The following EHD4 variants were observed in gnomAD, a reference collection of about 807,000 sequenced individuals.
EHD4 encodes the protein EH domain containing 4, also known as EH domain-containing protein 4.
Under a neutral mutation model 51.0 loss-of-function variants are expected in EHD4, and 37 were observed. The observed-to-expected ratio is 0.73, with a 90% CI of 0.56 to 0.95. EHD4 has a LOEUF of 0.95. Ranked by LOEUF, EHD4 falls within the 40% of genes least tolerant of loss-of-function variation. EHD4 has a pLI of 0.00. For synonymous variants in EHD4, 297 were observed against 317.3 expected, an observed-to-expected ratio of 0.94 and a Z score of 0.68; for missense variants, 632 against 733.1, an observed-to-expected ratio of 0.86 and a Z score of 1.59.
rs946848835 is a variant in EHD4, at chr15:41,953,686, C to T, written c.413+78G>A. On this transcript the variant is annotated intron_variant, in intron 2 of 5. Transcript: ENST00000220325. ...GATTCTTTGTTCTTCTGTTTTTGAA[C>T]CTTTATATGTAACTGGCAGTAATTC... 3.5e-6 allele frequency: 5 copies of T among 1,448,476 alleles called. No individual in the cohort carries two copies. In the African/African-American group the frequency reaches 7.2e-5, roughly 21 times the overall value. The allele number at this position is 1,448,476 out of a possible 1,614,324, so 89.7% of individuals were successfully genotyped here.
Position 41,900,979 on chromosome 15 carries a change from T to A in EHD4, c.1292A>T (p.Glu431Val), listed in dbSNP as rs780105107. The change falls in exon 6 of 6, where the codon GAG becomes GTG. Residue 431 changes from glutamate (E) to valine (V), a missense_variant. Physicochemically the swap from Glu to Val is moderately radical, Grantham distance 121. Coordinates refer to ENST00000220325, the MANE Select transcript of EHD4 (RefSeq NM_139265.4). This position sits in a 1 kb window ranked among gnomAD's most constrained non-coding sequence, Gnocchi z 4.8. ...CTCGTCGGCGCCCTCCTTGGCACCCTCCCCGTAGCCCTGGTTGAAGGGGCC... is the reference window on the plus strand; with the variant it reads ...CTCGTCGGCGCCCTCCTTGGCACCCACCCCGTAGCCCTGGTTGAAGGGGCC... Reference protein sequence around the residue: ...TEGPFNQGYGEGAKEGADEEE... With the variant: ...TEGPFNQGYGVGAKEGADEEE... The A allele has an allele frequency of 2.5e-6, 4 of 1,610,684 alleles. No homozygotes were observed. The Admixed American group carries it at 6.7e-5, about 27-fold the overall frequency.
At chr15:41,910,630 C>T (rs1208284116) in intron 4 of EHD4, among the ~76,000 whole-genome samples, 1 of 152,174 alleles carries the variant, frequency 6.6e-6, no homozygotes, top group East Asian at 1.9e-4. Flanking sequence ...AGTGGAACAG[C>T]GTGATCTTGG....
chr15:41,896,304 C>G lies in EHD4; in HGVS notation c.*4341G>C, dbSNP rs2067438214. On this transcript the variant is annotated 3_prime_UTR_variant, in exon 6 of 6. Coordinates refer to ENST00000220325, the MANE Select transcript of EHD4 (RefSeq NM_139265.4). ...CAGGCTGACCTCCCTCCCCTGACCC[C>G]AGCAGCTCTGGACACCCCTCTCAGT... 6.6e-6 allele frequency: 1 copy of G among 152,292 alleles called. No homozygotes were observed. Among genetic ancestry groups the G allele is most frequent in the African/African-American group, 2.4e-5 (1 of 41,456 alleles). The allele number at this position is 152,292 out of a possible 1,614,324, so 9.4% of individuals were successfully genotyped here.
intron 3 of EHD4, among the ~76,000 whole-genome samples, chr15:41,928,122 C>A (rs1405347017): frequency 6.6e-6 from 1 of 152,172 alleles, no homozygotes. Flanking sequence ...TGCATTGTTT[C>A]CTGGCTGAGT....
intron 5 of EHD4, 41 bp downstream of exon 5, chr15:41,909,658 C>T (rs777805124): frequency 5.5e-5 from 88 of 1,610,684 alleles, no homozygotes; most frequent in Non-Finnish European, 7.0e-5. Flanking sequence ...GGCACTGCAC[C>T]TCTGCCCTCT....
At chr15:41,904,190 T>C (rs374710725) in intron 5 of EHD4, among the ~76,000 whole-genome samples, 3 of 152,166 alleles carry the variant, frequency 2.0e-5, no homozygotes, top group Admixed American at 2.0e-4. Context: ...AGGAGGGTGA[T>C]GCCTGCCCAA....
At chr15:41,917,096 CTTATTTATTTATTTATTTATTTATTTAT>C (rs56087855) in intron 4 of EHD4, among the ~76,000 whole-genome samples, 4 of 141,788 alleles carry the variant, frequency 2.8e-5, no homozygotes, top group Non-Finnish European at 4.6e-5. Flanking sequence ...CTTTCTGCTC[CTTATTTATTTATTTATTTATTTATTTAT>C]TTATTTATTT....
rs1017644098 is a variant in EHD4, at chr15:41,972,419, C to A, written c.76G>T (p.Gly26Cys). Residue 26 changes from glycine (G) to cysteine (C), a missense_variant, in exon 1 of 6, where the codon GGC becomes TGC. Transcript: ENST00000220325. The stretch of plus-strand genomic sequence containing the variant: ...CGCAGGTAGAGCGAGCGCAGCCCGC[C>A]CGTCACCGTCTGCACCGCGTCCGCG... ...GGADAVQTVT[G>C]GLRSLYLRKV... is the part of the protein sequence containing the mutation. 1.6e-4 allele frequency: 258 copies of A among 1,607,836 alleles called. No individual in the cohort carries two copies. Among genetic ancestry groups the A allele is most frequent in the Non-Finnish European group, 2.2e-4 (255 of 1,177,938 alleles).
chr15:41,901,573 C>T (rs2054865484), intron 5 of EHD4, among the ~76,000 whole-genome samples: 1 of 152,216 alleles, frequency 6.6e-6, no homozygotes, highest in Admixed American at 6.5e-5. Context: ...TTTAGAACCA[C>T]ATTTTACAGA....
rs2067465767 is a variant in EHD4 at position 41,900,105 on chromosome 15, C to G, written c.*540G>C. On this transcript the variant is annotated 3_prime_UTR_variant, in exon 6 of 6. Transcript: ENST00000220325. The surrounding 1 kb of genome is among the most constrained non-coding windows in gnomAD (Gnocchi z 4.8). ...AAACCCAGGAGGCATCTGTCGCCTT[C>G]TCTTTGGTAGACAGTCTGGAGACAG... The G allele has an allele frequency of 6.5e-6, 1 of 153,162 alleles. No homozygotes were observed. The highest frequency in any genetic ancestry group is 1.5e-5 in the Non-Finnish European group (1 of 68,454). The allele number at this position is 153,162 out of a possible 1,614,324, so 9.5% of individuals were successfully genotyped here.
intron 3 of EHD4, among the ~76,000 whole-genome samples, chr15:41,926,617 T>A (rs2067663474): frequency 6.6e-6 from 1 of 152,206 alleles, no homozygotes; most frequent in Non-Finnish European, 1.5e-5. Context: ...CCCCATCCCT[T>A]CTTAGAACTC....
At position 41,919,519 on chromosome 15, in the gene EHD4, CT is replaced by C; in HGVS notation, c.614del (p.Glu205GlyfsTer17). 6.5e-7 allele frequency: 1 copy of C among 1,544,918 alleles called. No individual in the cohort carries two copies. Among genetic ancestry groups the C allele is most frequent in the Non-Finnish European group, 8.7e-7 (1 of 1,149,054 alleles). ...HKLDISDEFSEAIKAFRGQDD... is the reference protein window; with the variant it reads ...HKLDISDEFSXAIKAFRGQDD... ...CCTGGCCCCGGAAGGCCTTGATGGC[CT>C]CTGAGAATTCATCTGAGATGTCCAG... On this transcript the variant is annotated frameshift_variant, in exon 4 of 6. Coordinates refer to ENST00000220325, the MANE Select transcript of EHD4 (RefSeq NM_139265.4). LOFTEE classifies it high-confidence loss of function.
chr15:41,940,598 C>T (rs886991044), intron 3 of EHD4, among the ~76,000 whole-genome samples: 1 of 152,206 alleles, frequency 6.6e-6, no homozygotes, highest in Non-Finnish European at 1.5e-5. Context: ...TCCTTCCCCA[C>T]CTGTTGCTGT....
intron 1 of EHD4, among the ~76,000 whole-genome samples, chr15:41,964,088 T>C (rs997450822): frequency 7.5e-6 from 1 of 132,840 alleles, no homozygotes; most frequent in Non-Finnish European, 1.5e-5. Flanking sequence ...GAGCTTGCAG[T>C]GAGCTGAGAT....
At chr15:41,969,313 A>G (rs1347866008) in intron 1 of EHD4, among the ~76,000 whole-genome samples, 2 of 152,170 alleles carry the variant, frequency 1.3e-5, no homozygotes, top group African/African-American at 2.4e-5. Flanking sequence ...TTGGGAGGCC[A>G]AGGCGGGCAA....
intron 3 of EHD4, among the ~76,000 whole-genome samples, chr15:41,927,751 G>A (rs2067671929): frequency 6.6e-6 from 1 of 152,198 alleles, no homozygotes. Flanking sequence ...AGATGAATAA[G>A]TTCTAGAGAT....
At chr15:41,931,203 T>C (rs1243078099) in intron 3 of EHD4, among the ~76,000 whole-genome samples, 1 of 152,220 alleles carries the variant, frequency 6.6e-6, no homozygotes, top group African/African-American at 2.4e-5. Flanking sequence ...ATGTCCAACA[T>C]GTTGTTTTGA....
chr15:41,970,770 A>G (rs1030103159), intron 1 of EHD4, among the ~76,000 whole-genome samples: 9 of 152,226 alleles, frequency 5.9e-5, no homozygotes, highest in African/African-American at 2.2e-4. Flanking sequence ...AATTACAAAA[A>G]TATATGCCTT....
At chr15:41,947,356 G>A (rs921668995) in intron 2 of EHD4, among the ~76,000 whole-genome samples, 3 of 152,182 alleles carry the variant, frequency 2.0e-5, no homozygotes, top group African/African-American at 7.2e-5. Context: ...TTAGGCTCCA[G>A]ACGTCTCCCT....
Sources: allele counts gnomAD v4.1 joint callset (sites outside exome capture counted in the v4.1 genomes callset), GRCh38; gene constraint gnomAD v4.1.1; non-coding constraint Gnocchi (gnomAD v3.1); transcripts MANE v1.5; gene names NCBI Gene and HGNC (gene_info 2026-07-23, HGNC 2026-07-21).